Variants in MAT2B observed in about 807,000 individuals in gnomAD.
The protein encoded by MAT2B is methionine adenosyltransferase 2 non-catalytic beta subunit.
A neutral mutation model predicts 36.1 loss-of-function variants in MAT2B; 16 were observed. That is an observed-to-expected ratio of 0.44 (90% CI 0.30 to 0.67). The LOEUF (loss-of-function observed/expected upper bound fraction) is 0.67, where lower values mean the gene tolerates loss of function less well. MAT2B is among the 30% of genes least tolerant of loss of function. The probability of loss-of-function intolerance (pLI) is 0.09; values close to 1 mark genes in which losing one functional copy is unlikely to be tolerated. For synonymous variants in MAT2B, 148 were observed against 136.9 expected (o/e 1.08, Z -0.57); for missense variants, 332 against 398.2 (o/e 0.83, Z 1.42).
rs748604806 is a variant in MAT2B, at chr5:163,505,723, G to T, written c.37G>T (p.Val13Phe). 7.0e-6 allele frequency: 9 copies of T among 1,284,760 alleles called. No individual in the cohort carries two copies. In the African/African-American group the frequency reaches 1.4e-4, roughly 20 times the overall value. The allele number at this position is 1,284,760 out of a possible 1,614,324, so 79.6% of individuals were successfully genotyped here. A position where few individuals can be genotyped will look rare whatever the true frequency, so the allele number is the denominator to read the frequency against. The change falls in exon 1 of 7, where the codon GTT becomes TTT. Residue 13 changes from valine (V) to phenylalanine (F), a missense_variant. Transcript: ENST00000321757. ...GREKELSIHF[V>F]PGSCRLVEEE... is the part of the protein sequence containing the mutation. The stretch of plus-strand genomic sequence containing the variant: ...GGAGAAAGAGCTCTCTATACACTTT[G>T]TTCCCGGGAGCTGTCGGCTGGTGGA...
rs556642221 is a variant in MAT2B, at chr5:163,511,511, G to A, written c.64-491G>A. On this transcript the variant is annotated intron_variant, in intron 1 of 6. Coordinates refer to ENST00000321757, the MANE Select transcript of MAT2B (RefSeq NM_013283.5). ...TTGCCTAGGCTGGTCTCGAACTCCT[G>A]GGCTCAAGTGATCCACCTGCCTTGG... Among the ~76,000 whole-genome samples the A allele has an allele frequency of 4.6e-4, 66 of 142,790 alleles. 1 individual carries two copies. Among genetic ancestry groups the A allele is most frequent in the African/African-American group, 1.3e-3 (48 of 37,900 alleles). 93.7% of individuals were successfully genotyped at this position (142,790 alleles called of 152,430 possible).
At chr5:163,510,778 GTGT>G (rs1760026459) in intron 1 of MAT2B, among the ~76,000 whole-genome samples, 2 of 152,298 alleles carry the variant, frequency 1.3e-5, no homozygotes, top group Non-Finnish European at 2.9e-5. Context: ...AAGCATTTAA[GTGT>G]TGTAAGGACC....
upstream of MAT2B, among the ~76,000 whole-genome samples, chr5:163,504,328 TAA>T (rs11366509): frequency 9.0e-3 from 1,327 of 148,002 alleles, 9 homozygotes; most frequent in African/African-American, 0.019. Flanking sequence ...AGCCTGTGTT[TAA>T]AAAAAAAAAA....
intron 4 of MAT2B, among the ~76,000 whole-genome samples, chr5:163,516,190 C>T (rs1760130655): frequency 6.6e-6 from 1 of 152,126 alleles, no homozygotes; most frequent in African/African-American, 2.4e-5. Context: ...GGACTACAGG[C>T]ATGTGCCACC....
chr5:163,506,552 G>T (rs1759942811), intron 1 of MAT2B, among the ~76,000 whole-genome samples: 1 of 152,188 alleles, frequency 6.6e-6, no homozygotes, highest in South Asian at 2.1e-4. Context: ...CCCAGACCAT[G>T]TCTTTTGGAG....
upstream of MAT2B, chr5:163,505,529 A>G: frequency 8.1e-7 from 1 of 1,241,892 alleles, no homozygotes; most frequent in Non-Finnish European, 1.0e-6. Flanking sequence ...AGCGTGGCCA[A>G]TCAACGGGCG....
At chr5:163,512,273 C>G (rs767668101) in intron 2 of MAT2B, 77 bp downstream of exon 2, 83 of 1,258,180 alleles carry the variant, frequency 6.6e-5, no homozygotes, top group Non-Finnish European at 8.9e-5. Flanking sequence ...TATCCTTGCT[C>G]TCAAGGAAAT....
chr5:163,515,629 A>T (rs1760117996), intron 4 of MAT2B, among the ~76,000 whole-genome samples: 1 of 152,050 alleles, frequency 6.6e-6, no homozygotes. Flanking sequence ...TTAATCTAGC[A>T]TCCAGTCAAA....
chr5:163,504,466 G>T (rs1300197488), upstream of MAT2B, among the ~76,000 whole-genome samples: 4 of 152,214 alleles, frequency 2.6e-5, no homozygotes, highest in Admixed American at 6.5e-5. Flanking sequence ...GTGTTCTGAC[G>T]TGGAAAACTT....
rs139043507 is a variant in MAT2B, at chr5:163,516,258, C to T, written c.527-260C>T. Reference sequence around the variant, plus strand: ...AGAGACGGAGTTTTGCTATGATGCCCGGGCTGATCTTGAACTCCTGGCTTC... The same window carrying T: ...AGAGACGGAGTTTTGCTATGATGCCTGGGCTGATCTTGAACTCCTGGCTTC... On this transcript the variant is annotated intron_variant, in intron 4 of 6. Coordinates refer to ENST00000321757, the MANE Select transcript of MAT2B (RefSeq NM_013283.5). 6.4e-3 allele frequency among the ~76,000 whole-genome samples: 971 copies of T among 152,160 alleles called. 6 individuals are homozygous for T. The highest frequency in any genetic ancestry group is 0.027 in the Middle Eastern group (8 of 294).
chr5:163,503,413 G>A (rs377672043), upstream of MAT2B: 1 of 1,614,038 alleles, frequency 6.2e-7, no homozygotes, highest in Admixed American at 1.7e-5. Context: ...AATGCCAGAG[G>A]ACATGGAGCA....
At chr5:163,508,311 C>T (rs776363256) in intron 1 of MAT2B, among the ~76,000 whole-genome samples, 3 of 152,124 alleles carry the variant, frequency 2.0e-5, no homozygotes, top group Non-Finnish European at 2.9e-5. Context: ...AATCTCTGCT[C>T]ACTGCAACCT....
At chr5:163,503,150 A>C, upstream of MAT2B, 2 of 446,460 alleles carry the variant, frequency 4.5e-6, no homozygotes, top group Admixed American at 8.2e-5. Context: ...ATTAAACATG[A>C]AACTTCTCAT....
In MAT2B at chr5:163,519,010, TAATATA is replaced by T. The variant is rs1760178773; in HGVS notation, c.*654_*659del. ...CATTGAATGCAAACGTGTATTTTTT[TAATATA>T]AATATATAACTGTCCTTTTCATCCC... On this transcript the variant is annotated 3_prime_UTR_variant, in exon 7 of 7. Coordinates refer to ENST00000321757, the MANE Select transcript of MAT2B (RefSeq NM_013283.5). The T allele has an allele frequency of 6.5e-6, 1 of 152,698 alleles. No homozygotes were observed. The highest frequency in any genetic ancestry group is 1.9e-4 in the East Asian group (1 of 5,182). 9.5% of individuals were successfully genotyped at this position (152,698 alleles called of 1,614,324 possible). A position where few individuals can be genotyped will look rare whatever the true frequency, so the allele number is the denominator to read the frequency against.
intron 1 of MAT2B, among the ~76,000 whole-genome samples, chr5:163,506,814 GTATAAAAATGAAAA>G: frequency 6.6e-6 from 1 of 152,104 alleles, no homozygotes; most frequent in South Asian, 2.1e-4. Context: ...AAGAAGTTCA[GTATAAAAATGAAAA>G]TAGCTTTTCG....
rs144747113 is a variant in MAT2B at position 163,513,846 on chromosome 5, T to C, written c.378T>C (p.Ala126=). 4 of 1,606,660 alleles carry C rather than the reference T, an allele frequency of 2.5e-6. No homozygotes were observed. The highest frequency in any genetic ancestry group is 3.4e-6 in the Non-Finnish European group (4 of 1,177,356). Residue 126 remains alanine, a synonymous_variant, in exon 4 of 7, where the codon GCT becomes GCC. Coordinates refer to ENST00000321757, the MANE Select transcript of MAT2B (RefSeq NM_013283.5). The stretch of plus-strand genomic sequence containing the variant: ...ATTTGTCTTCTTTTTTTGTAGCTGC[T>C]GTTGGAGCATTTCTCATCTACATTA... ...ASGNLAKEAA[A]VGAFLIYISS...
upstream of MAT2B, chr5:163,505,597 G>A: frequency 8.0e-7 from 1 of 1,248,174 alleles, no homozygotes; most frequent in Non-Finnish European, 1.0e-6. Context: ...CCTAGGGGAG[G>A]CGGGCCGAGG....
intron 1 of MAT2B, among the ~76,000 whole-genome samples, chr5:163,506,653 T>G (rs1759945900): frequency 6.6e-6 from 1 of 152,238 alleles, no homozygotes; most frequent in Admixed American, 6.5e-5. Context: ...ACTTTGGTTC[T>G]TTGAGGGTAA....
chr5:163,507,428 T>C (rs1010360765), intron 1 of MAT2B, among the ~76,000 whole-genome samples: 6 of 152,208 alleles, frequency 3.9e-5, no homozygotes, highest in African/African-American at 1.4e-4. Context: ...TCCATAAATC[T>C]GGTCCCTTGG....
Sources: gnomAD v4.1 joint callset for allele counts (sites outside exome capture counted in the v4.1 genomes callset) on GRCh38, gnomAD v4.1.1 for gene constraint, MANE v1.5 for transcripts, NCBI Gene and HGNC (gene_info 2026-07-23, HGNC 2026-07-21) for gene names.